CADPS2: variants seen among roughly 807,000 people sequenced by gnomAD.
CADPS2 encodes the protein calcium dependent secretion activator 2, also known as calcium-dependent secretion activator 2.
CADPS2 carries 93 observed loss-of-function variants against 172.5 expected under a neutral mutation model. The observed-to-expected ratio is 0.54, with a 90% CI of 0.46 to 0.64. CADPS2 has a LOEUF of 0.64. Ranked by LOEUF, CADPS2 falls within the 30% of genes least tolerant of loss-of-function variation. The probability of loss-of-function intolerance (pLI) is 0.00; values close to 1 mark genes in which losing one functional copy is unlikely to be tolerated. For synonymous variants in CADPS2, 546 were observed against 555.2 expected (o/e 0.98, Z 0.23); for missense variants, 1,420 against 1,565.9 (o/e 0.91, Z 1.57).
chr7:122,648,644 C>T (rs536051052), intron 3 of CADPS2, among the ~76,000 whole-genome samples: 1 of 152,246 alleles, frequency 6.6e-6, no homozygotes, highest in East Asian at 1.9e-4. Context: ...CACTGACAAT[C>T]CCTAGATCCT....
intron 1 of CADPS2, among the ~76,000 whole-genome samples, chr7:122,787,634 T>C (rs2139585136): frequency 6.6e-6 from 1 of 152,234 alleles, no homozygotes; most frequent in Middle Eastern, 3.4e-3. Flanking sequence ...AACCACATTG[T>C]ATTCACCTTA....
intron 9 of CADPS2, among the ~76,000 whole-genome samples, chr7:122,510,934 C>T (rs2059962253): frequency 6.6e-6 from 1 of 152,092 alleles, no homozygotes; most frequent in African/African-American, 2.4e-5. Flanking sequence ...TCAGAATACT[C>T]GCATGGATTC....
chr7:122,612,608 A>G (rs1162688422), intron 6 of CADPS2, among the ~76,000 whole-genome samples: 1 of 152,100 alleles, frequency 6.6e-6, no homozygotes, highest in Non-Finnish European at 1.5e-5. Context: ...AGATGGCAGT[A>G]TGCTCCAAAT....
chr7:122,440,927 A>G (rs760248247), intron 16 of CADPS2, among the ~76,000 whole-genome samples: 2 of 152,182 alleles, frequency 1.3e-5, no homozygotes, highest in African/African-American at 2.4e-5. Flanking sequence ...GGAATAGAGA[A>G]TATATTTTCC....
At chr7:122,542,420 A>T (rs949925789) in intron 8 of CADPS2, among the ~76,000 whole-genome samples, 2 of 152,182 alleles carry the variant, frequency 1.3e-5, no homozygotes, top group Non-Finnish European at 2.9e-5. Flanking sequence ...TAAACAACAC[A>T]TGGTTTTCTA....
chr7:122,659,823 C>A (rs1410849478), intron 3 of CADPS2, among the ~76,000 whole-genome samples: 2 of 151,994 alleles, frequency 1.3e-5, no homozygotes, highest in African/African-American at 4.8e-5. Context: ...CATCAGAAAT[C>A]ATGCAAACAA....
chr7:122,507,597 G>A (rs1360050373), intron 9 of CADPS2, among the ~76,000 whole-genome samples: 3 of 152,106 alleles, frequency 2.0e-5, no homozygotes, highest in Non-Finnish European at 4.4e-5. Context: ...TCTAAGACAC[G>A]GTTATGAGTT....
chr7:122,492,210 T>C (rs184500772), intron 9 of CADPS2, among the ~76,000 whole-genome samples: 1 of 151,806 alleles, frequency 6.6e-6, no homozygotes, highest in Non-Finnish European at 1.5e-5. Context: ...ATTAATTAAT[T>C]AATTAAATTA....
chr7:122,489,329 T>G (rs2058093910), intron 11 of CADPS2, among the ~76,000 whole-genome samples: 1 of 152,122 alleles, frequency 6.6e-6, no homozygotes, highest in Non-Finnish European at 1.5e-5. Flanking sequence ...GTTATTCCCT[T>G]TGAGAAGAAT....
rs547013015 is a variant in CADPS2, at chr7:122,530,024, C to T, written c.1476-16709G>A. Among the ~76,000 whole-genome samples the T allele has an allele frequency of 2.6e-5, 4 of 152,090 alleles. No homozygotes were observed. The South Asian group carries it at 8.3e-4, about 32-fold the overall frequency. On this transcript the variant is annotated intron_variant, in intron 8 of 29. Coordinates refer to ENST00000449022, the MANE Select transcript of CADPS2 (RefSeq NM_017954.11). ...TATAAGACATATTTTGGAATTAGTG[C>T]TATTTGACTCACTTAATATTTACTT...
chr7:122,688,317 G>A (rs951455564), intron 2 of CADPS2, among the ~76,000 whole-genome samples: 1 of 152,182 alleles, frequency 6.6e-6, no homozygotes, highest in African/African-American at 2.4e-5. Flanking sequence ...TCTTGTAGGC[G>A]ACCCACCCAA....
At position 122,691,590 on chromosome 7, in the gene CADPS2, G is replaced by A. The variant is rs141595558; in HGVS notation, c.454-28021C>T. On this transcript the variant is annotated intron_variant, in intron 2 of 29. Transcript: ENST00000449022. ...CAAGAGAACCAGAGGTTCGCATAACGTCATCAACAAGATCATGACATATGA... is the reference window on the plus strand; with the variant it reads ...CAAGAGAACCAGAGGTTCGCATAACATCATCAACAAGATCATGACATATGA... Among the ~76,000 whole-genome samples the A allele has an allele frequency of 9.1e-3, 1,379 of 152,278 alleles. 20 individuals carry two copies. Among genetic ancestry groups the A allele is most frequent in the African/African-American group, 0.032 (1,326 of 41,538 alleles).
chr7:122,479,482 T>A (rs573897872), intron 12 of CADPS2, among the ~76,000 whole-genome samples: 1 of 152,342 alleles, frequency 6.6e-6, no homozygotes, highest in South Asian at 2.1e-4. Flanking sequence ...GAATAGTATG[T>A]CCATGTTTTA....
rs1192262798 is a variant in CADPS2 at position 122,441,435 on chromosome 7, G to A, written c.2352+77C>T. On this transcript the variant is annotated intron_variant, in intron 16 of 29. Transcript: ENST00000449022. ...TAGAGAGCATAGAATAACGGGGTCT[G>A]TCTCCCTAGTTCAATAACTAAAATA... 4 of 895,616 alleles carry A rather than the reference G, an allele frequency of 4.5e-6. No homozygotes were observed. In the African/African-American group the frequency reaches 6.8e-5, roughly 15 times the overall value. The allele number at this position is 895,616 out of a possible 1,614,324, so 55.5% of individuals were successfully genotyped here. A position where few individuals can be genotyped will look rare whatever the true frequency, so the allele number is the denominator to read the frequency against.
At chr7:122,498,570 G>A (rs1230158098) in intron 9 of CADPS2, among the ~76,000 whole-genome samples, 1 of 151,654 alleles carries the variant, frequency 6.6e-6, no homozygotes, top group Non-Finnish European at 1.5e-5. Flanking sequence ...AGCTTCCTCA[G>A]ATTCTAACCA....
At chr7:122,763,641 G>T (rs1416424726) in intron 1 of CADPS2, among the ~76,000 whole-genome samples, 3 of 152,106 alleles carry the variant, frequency 2.0e-5, no homozygotes, top group Non-Finnish European at 4.4e-5. Flanking sequence ...CAAAGGAGTT[G>T]CTCTATAATG....
intron 8 of CADPS2, 76 bp from the exon 9 acceptor site, chr7:122,513,391 T>C (rs2060139533): frequency 8.3e-7 from 1 of 1,203,108 alleles, no homozygotes; most frequent in Non-Finnish European, 1.2e-6. Context: ...ATTTCTTCCA[T>C]AGGTATTTAT....
chr7:122,559,524 A>G (rs1245649859), intron 7 of CADPS2, among the ~76,000 whole-genome samples: 1 of 152,056 alleles, frequency 6.6e-6, no homozygotes, highest in Non-Finnish European at 1.5e-5. Flanking sequence ...TAATCCCAGC[A>G]CTTTTGGGAA....
chr7:122,521,476 G>C (rs2060789621), intron 8 of CADPS2, among the ~76,000 whole-genome samples: 1 of 145,910 alleles, frequency 6.9e-6, no homozygotes, highest in African/African-American at 2.5e-5. Flanking sequence ...TTTTTGCGGG[G>C]GGGTGAGGTG....
Sources: gnomAD v4.1 joint callset for allele counts (sites outside exome capture counted in the v4.1 genomes callset) on GRCh38, gnomAD v4.1.1 for gene constraint, MANE v1.5 for transcripts, NCBI Gene and HGNC (gene_info 2026-07-23, HGNC 2026-07-21) for gene names.